SPIDR: variants seen among roughly 807,000 people sequenced by gnomAD.
The protein encoded by SPIDR is scaffold protein involved in DNA repair.
Under a neutral mutation model 104.6 loss-of-function variants are expected in SPIDR, and 93 were observed. The observed-to-expected ratio is 0.89, with a 90% confidence interval of 0.75 to 1.06. The LOEUF is 1.06. Ranked by LOEUF, SPIDR falls within the 50% of genes least tolerant of loss-of-function variation. The pLI, the probability that SPIDR is intolerant of heterozygous loss-of-function variation, is 0.00. For missense variants in SPIDR, 1,154 were observed against 1,111.2 expected, an observed-to-expected ratio of 1.04 and a Z score of -0.55; for synonymous variants, 431 against 416.9, an observed-to-expected ratio of 1.03 and a Z score of -0.41.
intron 11 of SPIDR, among the ~76,000 whole-genome samples, chr8:47,689,839 G>A (rs1163464066): frequency 6.6e-6 from 1 of 152,176 alleles, no homozygotes; most frequent in African/African-American, 2.4e-5. Context: ...TTACTGATCA[G>A]GTTGAAGCCT....
intron 8 of SPIDR, among the ~76,000 whole-genome samples, chr8:47,480,653 G>A (rs147537827): frequency 1.3e-5 from 2 of 152,298 alleles, no homozygotes; most frequent in Non-Finnish European, 2.9e-5. Context: ...AGGGATCGGC[G>A]CACAGCCTGT....
chr8:47,610,592 C>T (rs908088746), intron 10 of SPIDR, among the ~76,000 whole-genome samples: 1 of 152,234 alleles, frequency 6.6e-6, no homozygotes, highest in African/African-American at 2.4e-5. Flanking sequence ...AGCCAGCTGG[C>T]GGGTTTGGTA....
chr8:47,712,530 T>C, intron 14 of SPIDR, 132 bp from the exon 15 acceptor site: 6 of 1,067,504 alleles, frequency 5.6e-6, no homozygotes, highest in Non-Finnish European at 7.9e-6. Flanking sequence ...ATGTGCAAAG[T>C]CTAGTGTATG....
intron 8 of SPIDR, among the ~76,000 whole-genome samples, chr8:47,563,478 A>G (rs1038642448): frequency 2.6e-5 from 4 of 152,106 alleles, no homozygotes; most frequent in African/African-American, 9.7e-5. Context: ...CTGGCCCCAC[A>G]TGGGCCCTCT....
At chr8:47,614,668 C>T (rs1043579819) in intron 10 of SPIDR, among the ~76,000 whole-genome samples, 10 of 152,284 alleles carry the variant, frequency 6.6e-5, no homozygotes, top group Non-Finnish European at 4.4e-5. Context: ...ATGCATGTAT[C>T]TTCATCATAG....
intron 6 of SPIDR, among the ~76,000 whole-genome samples, chr8:47,402,874 A>G (rs1343571973): frequency 6.6e-6 from 1 of 152,206 alleles, no homozygotes; most frequent in Admixed American, 6.5e-5. Context: ...TCATCCTGAT[A>G]CCAAAGCCTG....
intron 5 of SPIDR, among the ~76,000 whole-genome samples, chr8:47,390,287 A>G (rs1305914480): frequency 3.9e-5 from 6 of 152,150 alleles, no homozygotes; most frequent in African/African-American, 1.4e-4. Context: ...GCTAGCATGT[A>G]TGTGCCCAGT....
intron 4 of SPIDR, 145 bp from the exon 5 acceptor site, chr8:47,293,722 A>T (rs2040346615): frequency 1.1e-6 from 1 of 889,596 alleles, no homozygotes; most frequent in African/African-American, 1.7e-5. Context: ...CGCTAGGATT[A>T]CAGGCATGAG....
intron 7 of SPIDR, among the ~76,000 whole-genome samples, chr8:47,432,395 G>T (rs1554689825): frequency 6.6e-6 from 1 of 152,116 alleles, no homozygotes; most frequent in Non-Finnish European, 1.5e-5. Context: ...GAGATGAAGG[G>T]GAGATGGGTC....
chr8:47,260,900 C>A, upstream of SPIDR: 1 of 1,199,064 alleles, frequency 8.3e-7, no homozygotes. Context: ...CGGTGCGGCG[C>A]GCCGAGGTGG....
intron 5 of SPIDR, among the ~76,000 whole-genome samples, chr8:47,346,081 C>G (rs1269360305): frequency 6.6e-6 from 1 of 152,140 alleles, no homozygotes. Flanking sequence ...GCCCATTCAG[C>G]ATGACATTGG....
intron 11 of SPIDR, chr8:47,688,534 A>C (rs548905931): frequency 6.6e-6 from 1 of 152,354 alleles, no homozygotes; most frequent in South Asian, 2.1e-4. Context: ...TTTTAAACCA[A>C]TAAACCTTGT....
chr8:47,530,962 GTGCAGTGGCGCAGTCATGGCTTAC>G (rs1414107951), intron 8 of SPIDR, among the ~76,000 whole-genome samples: 1 of 151,424 alleles, frequency 6.6e-6, no homozygotes, highest in Non-Finnish European at 1.5e-5. Context: ...CCAGACTGGA[GTGCAGTGGCGCAGTCATGGCTTAC>G]TGCAGCCTCA....
At chr8:47,348,670 C>G (rs922390298) in intron 5 of SPIDR, among the ~76,000 whole-genome samples, 1 of 152,092 alleles carries the variant, frequency 6.6e-6, no homozygotes, top group Non-Finnish European at 1.5e-5. Flanking sequence ...ACTCTTTTTT[C>G]TCTAAACTTC....
chr8:47,423,246 G>A (rs1257501872), intron 7 of SPIDR, among the ~76,000 whole-genome samples: 9 of 150,646 alleles, frequency 6.0e-5, no homozygotes, highest in Non-Finnish European at 1.0e-4. Flanking sequence ...TCAGTGAGCC[G>A]AGATTACGCC....
chr8:47,665,125 C>T (rs1370746752), intron 10 of SPIDR, among the ~76,000 whole-genome samples: 2 of 152,082 alleles, frequency 1.3e-5, no homozygotes, highest in Non-Finnish European at 2.9e-5. Context: ...ATATTACATA[C>T]ACCCAGACAC....
chr8:47,519,955 A>AT (rs1304526389), intron 8 of SPIDR, among the ~76,000 whole-genome samples: 1 of 152,224 alleles, frequency 6.6e-6, no homozygotes, highest in Non-Finnish European at 1.5e-5. Flanking sequence ...AGTGTGACAG[A>AT]TTTTAAAATT....
At chr8:47,311,633 C>T (rs1042795347) in intron 5 of SPIDR, among the ~76,000 whole-genome samples, 1 of 151,470 alleles carries the variant, frequency 6.6e-6, no homozygotes. Flanking sequence ...GCCTGGGAAA[C>T]GAAGTGAGAC....
intron 19 of SPIDR, among the ~76,000 whole-genome samples, chr8:47,734,305 C>T (rs573072937): frequency 6.5e-4 from 99 of 152,240 alleles, no homozygotes; most frequent in African/African-American, 2.3e-3. Flanking sequence ...TCCCTTCCAC[C>T]GCACTGTGTT....
Sources: allele counts gnomAD v4.1 joint callset (sites outside exome capture counted in the v4.1 genomes callset), GRCh38; gene constraint gnomAD v4.1.1; transcripts MANE v1.5; gene names NCBI Gene and HGNC (gene_info 2026-07-23, HGNC 2026-07-21).